Variants in SCEL observed in about 807,000 individuals in gnomAD.
SCEL encodes sciellin.
In SCEL, 113 loss-of-function variants were observed where a neutral mutation model predicts 117.6. The ratio of observed to expected loss-of-function variants is 0.96; its 90% CI spans 0.83 to 1.12. SCEL has a LOEUF of 1.12. Among genes scored for constraint, SCEL ranks in the 50% most tolerant of loss-of-function variants. The pLI is 0.00. For missense variants in SCEL, 785 were observed against 810.8 expected, an observed-to-expected ratio of 0.97 and a Z score of 0.39; for synonymous variants, 270 against 256.2, an observed-to-expected ratio of 1.05 and a Z score of -0.51.
intron 24 of SCEL, among the ~76,000 whole-genome samples, chr13:77,616,394 T>C (rs2089042316): frequency 6.6e-6 from 1 of 152,126 alleles, no homozygotes; most frequent in Admixed American, 6.6e-5. Context: ...GTTGTCTTTC[T>C]GACACAGTTT....
chr13:77,577,709 G>A (rs2086029356), intron 9 of SCEL, among the ~76,000 whole-genome samples: 1 of 152,164 alleles, frequency 6.6e-6, no homozygotes, highest in Admixed American at 6.5e-5. Context: ...CTTGGATAAG[G>A]TCTTAATAAA....
At chr13:77,552,678 T>A (rs1347854521) in intron 1 of SCEL, among the ~76,000 whole-genome samples, 1 of 152,244 alleles carries the variant, frequency 6.6e-6, no homozygotes, top group Non-Finnish European at 1.5e-5. Flanking sequence ...TCTTTTGCTG[T>A]GCAGAAGCTG....
intron 10 of SCEL, among the ~76,000 whole-genome samples, chr13:77,591,108 A>C (rs1401525807): frequency 3.3e-5 from 5 of 152,196 alleles, no homozygotes; most frequent in African/African-American, 1.2e-4. Flanking sequence ...GATAAGTATG[A>C]AAATGCTTTA....
intron 3 of SCEL, among the ~76,000 whole-genome samples, chr13:77,557,965 A>G (rs939803856): frequency 6.6e-6 from 1 of 152,238 alleles, no homozygotes; most frequent in African/African-American, 2.4e-5. Flanking sequence ...TTTCAAGGAA[A>G]TATATGGGTG....
At chr13:77,558,779 C>A (rs2084803476) in intron 3 of SCEL, among the ~76,000 whole-genome samples, 1 of 138,866 alleles carries the variant, frequency 7.2e-6, no homozygotes, top group Non-Finnish European at 1.5e-5. Flanking sequence ...TATCGCACCA[C>A]TGCACTCCAG....
At chr13:77,609,391 G>T (rs2088472844) in intron 21 of SCEL, among the ~76,000 whole-genome samples, 1 of 152,124 alleles carries the variant, frequency 6.6e-6, no homozygotes, top group African/African-American at 2.4e-5. Flanking sequence ...TTAAGCAGAA[G>T]GGATGGATGA....
chr13:77,595,126 T>C (rs1027287632), intron 12 of SCEL, among the ~76,000 whole-genome samples: 1 of 152,188 alleles, frequency 6.6e-6, no homozygotes, highest in African/African-American at 2.4e-5. Flanking sequence ...TTGGTGTAAA[T>C]CAAATAAAAA....
intron 15 of SCEL, chr13:77,599,991 C>T (rs78273800): frequency 2.1e-6 from 1 of 473,950 alleles, no homozygotes; most frequent in African/African-American, 1.9e-5. Context: ...AAGGATATGA[C>T]CTAGATGATC....
intron 30 of SCEL, among the ~76,000 whole-genome samples, chr13:77,640,114 T>C (rs2090490322): frequency 6.6e-6 from 1 of 152,166 alleles, no homozygotes; most frequent in Admixed American, 6.5e-5. Flanking sequence ...ACGATAGGTA[T>C]CCTTATATCC....
chr13:77,550,723 T>C (rs1283930727), intron 1 of SCEL, among the ~76,000 whole-genome samples: 1 of 152,234 alleles, frequency 6.6e-6, no homozygotes, highest in East Asian at 1.9e-4. Flanking sequence ...CTGAGTAATA[T>C]TCTGTTGCAC....
At chr13:77,592,471 A>G (rs2086925937) in intron 11 of SCEL, among the ~76,000 whole-genome samples, 1 of 152,072 alleles carries the variant, frequency 6.6e-6, no homozygotes, top group Non-Finnish European at 1.5e-5. Context: ...TACATTTCCC[A>G]ACTTACTTGG....
At chr13:77,627,388 G>A (rs1222780521) in intron 27 of SCEL, among the ~76,000 whole-genome samples, 4 of 152,086 alleles carry the variant, frequency 2.6e-5, no homozygotes, top group African/African-American at 7.2e-5. Flanking sequence ...AAAAGAAGTC[G>A]ATTAATGGGT....
intron 1 of SCEL, among the ~76,000 whole-genome samples, chr13:77,548,873 T>G (rs1401250631): frequency 6.6e-6 from 1 of 152,214 alleles, no homozygotes; most frequent in Non-Finnish European, 1.5e-5. Context: ...CTTTCCTTTA[T>G]AAATTACCCA....
intron 1 of SCEL, among the ~76,000 whole-genome samples, chr13:77,546,683 C>T (rs1015546236): frequency 8.0e-6 from 1 of 125,014 alleles, no homozygotes; most frequent in African/African-American, 3.0e-5. Context: ...ACAACAACAA[C>T]AAAAAAAAAA....
At chr13:77,597,763 T>G (rs554413235) in intron 13 of SCEL, among the ~76,000 whole-genome samples, 174 bp downstream of exon 13, 1 of 152,094 alleles carries the variant, frequency 6.6e-6, no homozygotes, top group East Asian at 1.9e-4. Flanking sequence ...TGAATGGTTA[T>G]TAAAGTCTGA....
chr13:77,610,552 G>A (rs1315002911), intron 22 of SCEL, among the ~76,000 whole-genome samples: 1 of 151,970 alleles, frequency 6.6e-6, no homozygotes. Context: ...TAGTGTTCAA[G>A]CACTTACCGA....
At chr13:77,602,816 C>A in intron 17 of SCEL, 103 bp downstream of exon 17, 1 of 991,984 alleles carries the variant, frequency 1.0e-6, no homozygotes, top group South Asian at 1.4e-5. Context: ...TCTTCTGTGT[C>A]TAATCCCTGG....
chr13:77,539,794 A>G (rs531890681), intron 1 of SCEL, among the ~76,000 whole-genome samples: 71 of 152,272 alleles, frequency 4.7e-4, no homozygotes, highest in Non-Finnish European at 8.4e-4. Context: ...TCTGCCTCCC[A>G]AAGTGCTGGG....
chr13:77,568,316 A>G lies in SCEL; in HGVS notation c.381A>G (p.Ser127=). Residue 127 remains serine (S), a synonymous_variant, in exon 7 of 33, where the codon TCA becomes TCG. Coordinates refer to ENST00000349847, the MANE Select transcript of SCEL (RefSeq NM_144777.3). ...CCAGGAGCATGTCCATGTTTAGATC[A>G]CTGGAAGTAACAAAGTTGTATGTAT... ...LTNRSMSMFR[S]LEVTKLQPGG... is the part of the protein sequence containing the mutation. 1 of 1,569,162 alleles carries G rather than the reference A, an allele frequency of 6.4e-7. No individual in the cohort carries two copies. The highest frequency in any genetic ancestry group is 8.7e-7 in the Non-Finnish European group (1 of 1,144,244).
Sources: allele counts gnomAD v4.1 joint callset (sites outside exome capture counted in the v4.1 genomes callset), GRCh38; gene constraint gnomAD v4.1.1; transcripts MANE v1.5; gene names NCBI Gene and HGNC (gene_info 2026-07-23, HGNC 2026-07-21).